Variants in FHIT observed in about 807,000 individuals in gnomAD.
FHIT encodes bis(5'-adenosyl)-triphosphatase.
A neutral mutation model predicts 17.9 loss-of-function variants in FHIT; 19 were observed. The observed-to-expected ratio is 1.06, with a 90% CI of 0.74 to 1.56. The LOEUF (loss-of-function observed/expected upper bound fraction) is 1.56, where lower values mean the gene tolerates loss of function less well. Among genes scored for constraint, FHIT ranks in the 40% most tolerant of loss-of-function variants. The probability of loss-of-function intolerance (pLI) is 0.00; values close to 1 mark genes in which losing one functional copy is unlikely to be tolerated. For synonymous variants in FHIT, 81 were observed against 69.7 expected, an observed-to-expected ratio of 1.16 and a Z score of -0.81; for missense variants, 248 against 189.2, an observed-to-expected ratio of 1.31 and a Z score of -1.82.
intron 5 of FHIT, among the ~76,000 whole-genome samples, chr3:60,247,374 G>C (rs942351430): frequency 1.3e-5 from 2 of 151,630 alleles, no homozygotes; most frequent in African/African-American, 4.8e-5. Context: ...GAAGAAGAAA[G>C]AAGAAAGAAG....
intron 2 of FHIT, among the ~76,000 whole-genome samples, chr3:61,187,901 A>G (rs1244745812): frequency 6.6e-6 from 1 of 152,238 alleles, no homozygotes; most frequent in African/African-American, 2.4e-5. Flanking sequence ...AAGACACAAC[A>G]TACCAGAATC....
rs371215802 is a variant in FHIT at position 60,860,720 on chromosome 3, A to T, written c.-110-38709T>A. Among the ~76,000 whole-genome samples, 16 of 100,654 alleles carry T rather than the reference A, an allele frequency of 1.6e-4. 4 individuals are homozygous for T. Among genetic ancestry groups the T allele is most frequent in the Admixed American group, 5.0e-4 (5 of 9,918 alleles). 66.0% of individuals were successfully genotyped at this position (100,654 alleles called of 152,430 possible). A position where few individuals can be genotyped will look rare whatever the true frequency, so the allele number is the denominator to read the frequency against. ...ATATGTACATATGTACATATATATC[A>T]GGTATATATGTACATATGTTCATAT... On this transcript the variant is annotated intron_variant, in intron 3 of 9. Coordinates refer to ENST00000492590, the MANE Select transcript of FHIT (RefSeq NM_002012.4).
chr3:60,308,911 C>T (rs372534659), intron 5 of FHIT, among the ~76,000 whole-genome samples: 243 of 152,236 alleles, frequency 1.6e-3, no homozygotes, highest in African/African-American at 5.5e-3. Flanking sequence ...AAATTATATA[C>T]TGTTATCCAC....
At chr3:59,940,556 G>A (rs190551330) in intron 7 of FHIT, among the ~76,000 whole-genome samples, 198 of 152,232 alleles carry the variant, frequency 1.3e-3, no homozygotes, top group African/African-American at 4.6e-3. Flanking sequence ...GGCAGAGAAC[G>A]AGGGTTTCTC....
chr3:60,779,568 T>C (rs1700314711), intron 4 of FHIT, among the ~76,000 whole-genome samples: 2 of 152,164 alleles, frequency 1.3e-5, no homozygotes, highest in Admixed American at 6.5e-5. Context: ...AGCTACCAGT[T>C]ATCTGGGTGT....
chr3:59,748,370 T>C lies in FHIT; in HGVS notation c.*1215A>G, dbSNP rs902196604. 1.3e-5 allele frequency among the ~76,000 whole-genome samples: 2 copies of C among 152,006 alleles called. No homozygotes were observed. The highest frequency in any genetic ancestry group is 6.6e-5 in the Admixed American group (1 of 15,254). ...ATGTTTATTTAGGCATGTGGTCAGA[T>C]GGTAAAGAAAAGAAAGTGGGAGGGT... On this transcript the variant is annotated 3_prime_UTR_variant, in exon 10 of 10. Transcript: ENST00000492590.
chr3:60,812,757 T>A (rs2106723438), intron 4 of FHIT, among the ~76,000 whole-genome samples: 1 of 151,920 alleles, frequency 6.6e-6, no homozygotes, highest in East Asian at 1.9e-4. Context: ...CAAAAATGAG[T>A]CAGTGGTGTT....
chr3:60,576,021 C>G (rs1333851212), intron 4 of FHIT, among the ~76,000 whole-genome samples: 1 of 152,094 alleles, frequency 6.6e-6, no homozygotes, highest in Non-Finnish European at 1.5e-5. Context: ...TGAGTATACT[C>G]ACCTCCTTCT....
At chr3:60,165,878 G>A (rs1055990330) in intron 5 of FHIT, among the ~76,000 whole-genome samples, 3 of 152,116 alleles carry the variant, frequency 2.0e-5, no homozygotes, top group African/African-American at 2.4e-5. Flanking sequence ...GTATATTTAC[G>A]TGTGAAACAT....
At chr3:60,544,152 T>A (rs141365790) in intron 4 of FHIT, among the ~76,000 whole-genome samples, 58 of 152,012 alleles carry the variant, frequency 3.8e-4, no homozygotes, top group Middle Eastern at 6.8e-3. Flanking sequence ...TTTGTCATAC[T>A]GCATTGGTCA....
chr3:60,546,822 T>C (rs1266728445), intron 4 of FHIT, among the ~76,000 whole-genome samples: 1 of 152,166 alleles, frequency 6.6e-6, no homozygotes, highest in African/African-American at 2.4e-5. Context: ...ATACAAAGCA[T>C]GTCTCGTTGT....
At chr3:60,738,842 C>T (rs1553713242) in intron 4 of FHIT, among the ~76,000 whole-genome samples, 1 of 152,222 alleles carries the variant, frequency 6.6e-6, no homozygotes, top group African/African-American at 2.4e-5. Context: ...GCCTGGAGAC[C>T]TGCGGCCCCT....
intron 5 of FHIT, among the ~76,000 whole-genome samples, chr3:60,131,485 C>G (rs552019283): frequency 2.6e-4 from 39 of 152,166 alleles, no homozygotes; most frequent in Middle Eastern, 6.8e-3. Flanking sequence ...AACGTAAGCA[C>G]TATATGATCC....
At chr3:60,448,656 A>G (rs980329444) in intron 5 of FHIT, among the ~76,000 whole-genome samples, 14 of 152,186 alleles carry the variant, frequency 9.2e-5, no homozygotes, top group Non-Finnish European at 1.8e-4. Flanking sequence ...GCATTGCTTT[A>G]CTGGCCTCCT....
In FHIT at chr3:59,753,126, C is replaced by T. The variant is rs1011029166; in HGVS notation, c.349-805G>A. On this transcript the variant is annotated intron_variant, in intron 8 of 9. Coordinates refer to ENST00000492590, the MANE Select transcript of FHIT (RefSeq NM_002012.4). ...GGTGGCCTGTGGTTTACCTCCTACT[C>T]TCTTTGGTTTAGACTCTCTTGCATG... 7.9e-5 allele frequency among the ~76,000 whole-genome samples: 12 copies of T among 152,150 alleles called. No individual in the cohort carries two copies. In the South Asian group the frequency reaches 8.3e-4, roughly 11 times the overall value.
intron 8 of FHIT, among the ~76,000 whole-genome samples, chr3:59,907,248 T>C (rs955265088): frequency 6.6e-6 from 1 of 152,228 alleles, no homozygotes; most frequent in Non-Finnish European, 1.5e-5. Flanking sequence ...CCCATGTTAC[T>C]TAGCGGTTTC....
intron 5 of FHIT, among the ~76,000 whole-genome samples, chr3:60,128,449 C>T (rs1033297466): frequency 6.6e-6 from 1 of 152,194 alleles, no homozygotes; most frequent in Non-Finnish European, 1.5e-5. Context: ...GCCTCTCCAG[C>T]CATGCTGAAC....
chr3:60,759,205 G>A (rs1249857161), intron 4 of FHIT, among the ~76,000 whole-genome samples: 4 of 152,196 alleles, frequency 2.6e-5, no homozygotes, highest in Non-Finnish European at 5.9e-5. Flanking sequence ...GAGTAGAACA[G>A]TGATAGGAAT....
intron 5 of FHIT, among the ~76,000 whole-genome samples, chr3:60,314,242 T>C (rs1348389463): frequency 3.3e-5 from 5 of 152,030 alleles, no homozygotes; most frequent in African/African-American, 1.2e-4. Flanking sequence ...TAATAAGAGA[T>C]ATAGGATTTC....
Sources: allele counts gnomAD v4.1 joint callset (sites outside exome capture counted in the v4.1 genomes callset), GRCh38; gene constraint gnomAD v4.1.1; transcripts MANE v1.5; gene names NCBI Gene and HGNC (gene_info 2026-07-23, HGNC 2026-07-21).